NSMAF: variants seen among roughly 807,000 people sequenced by gnomAD.
The protein encoded by NSMAF is protein FAN.
Under a neutral mutation model 134.9 loss-of-function variants are expected in NSMAF, and 90 were observed. That is an observed-to-expected ratio of 0.67 (90% CI 0.56 to 0.79). The LOEUF (loss-of-function observed/expected upper bound fraction) is 0.79. Ranked by LOEUF, NSMAF falls within the 30% of genes least tolerant of loss-of-function variation. NSMAF has a pLI of 0.00. For synonymous variants in NSMAF, 358 were observed against 389.6 expected (o/e 0.92, Z 0.96); for missense variants, 1,010 against 1,119.0 (o/e 0.90, Z 1.39).
intron 5 of NSMAF, among the ~76,000 whole-genome samples, chr8:58,632,979 T>C (rs910341707): frequency 3.3e-5 from 5 of 152,158 alleles, no homozygotes; most frequent in African/African-American, 1.2e-4. Context: ...AATGACCACC[T>C]CTCACCATCG....
At chr8:58,627,891 A>G (rs1220470581) in intron 6 of NSMAF, among the ~76,000 whole-genome samples, 1 of 152,146 alleles carries the variant, frequency 6.6e-6, no homozygotes, top group Non-Finnish European at 1.5e-5. Flanking sequence ...ACAATCCTAA[A>G]ATCCATATGG....
chr8:58,601,144 G>A (rs1172233588), intron 16 of NSMAF, 141 bp downstream of exon 16: 2 of 689,242 alleles, frequency 2.9e-6, no homozygotes, highest in African/African-American at 3.6e-5. Context: ...TCTAGAAAAA[G>A]CCTGAGAGGA....
At chr8:58,629,889 G>A (rs533233546) in intron 6 of NSMAF, among the ~76,000 whole-genome samples, 52 of 152,248 alleles carry the variant, frequency 3.4e-4, no homozygotes, top group South Asian at 1.7e-3. Context: ...AAGCAGTAGC[G>A]TGCTACCCAG....
chr8:58,618,408 T>C (rs1806712658), intron 9 of NSMAF, among the ~76,000 whole-genome samples: 3 of 151,934 alleles, frequency 2.0e-5, no homozygotes, highest in African/African-American at 7.2e-5. Context: ...TTTATTTTAT[T>C]ATATATGAGA....
At chr8:58,656,554 C>T (rs559431791) in intron 1 of NSMAF, among the ~76,000 whole-genome samples, 8 of 152,152 alleles carry the variant, frequency 5.3e-5, no homozygotes, top group East Asian at 1.9e-4. Flanking sequence ...GGGCCGGGCA[C>T]GGTGGCTCAC....
chr8:58,607,768 C>T lies in NSMAF; in HGVS notation c.759+1G>A, dbSNP rs1806440472. 1 of 1,612,680 alleles carries T rather than the reference C, an allele frequency of 6.2e-7. No homozygotes were observed. Among genetic ancestry groups the T allele is most frequent in the Admixed American group, 1.7e-5 (1 of 60,014 alleles). The stretch of plus-strand genomic sequence containing the variant: ...CCCAGCACAGCCTCCCAAGGACTCA[C>T]CAGAGGCATGAGGCCGTGCCTCCTT... On this transcript the variant is annotated splice_donor_variant, in intron 11 of 30. Transcript: ENST00000038176. LOFTEE classifies it high-confidence loss of function.
chr8:58,587,432 TAAAAC>T (rs1005459955), intron 27 of NSMAF, among the ~76,000 whole-genome samples, 181 bp downstream of exon 27: 1 of 151,852 alleles, frequency 6.6e-6, no homozygotes, highest in Non-Finnish European at 1.5e-5. Context: ...GGAGAAAAAA[TAAAAC>T]AAAACAAAGT....
intron 28 of NSMAF, 85 bp downstream of exon 28, chr8:58,586,372 AT>A: frequency 1.5e-6 from 2 of 1,322,566 alleles, no homozygotes; most frequent in Non-Finnish European, 2.1e-6. Flanking sequence ...TGTAAGTTTT[AT>A]TGTTTATTTC....
intron 16 of NSMAF, 185 bp downstream of exon 16, chr8:58,601,100 A>T (rs1806267909): frequency 2.0e-6 from 1 of 495,666 alleles, no homozygotes; most frequent in Non-Finnish European, 3.5e-6. Flanking sequence ...CTGTACATAA[A>T]ATATGTTCTC....
intron 1 of NSMAF, among the ~76,000 whole-genome samples, chr8:58,649,715 TCTCTCTTGCTCC>T (rs1807540623): frequency 6.6e-6 from 1 of 152,152 alleles, no homozygotes; most frequent in Admixed American, 6.5e-5. Context: ...CTCCTCCTCC[TCTCTCTTGCTCC>T]CTCTCTTGCC....
intron 11 of NSMAF, among the ~76,000 whole-genome samples, chr8:58,607,073 G>A (rs1220986638): frequency 6.6e-6 from 1 of 152,108 alleles, no homozygotes; most frequent in Non-Finnish European, 1.5e-5. Context: ...CAAATTAAAA[G>A]CACAAAAATA....
chr8:58,624,064 CAG>C (rs1806857270), intron 6 of NSMAF, among the ~76,000 whole-genome samples: 1 of 95,528 alleles, frequency 1.0e-5, no homozygotes, highest in Non-Finnish European at 1.9e-5. Context: ...TTTTTTGAGA[CAG>C]AGTCTTGTTC....
intron 16 of NSMAF, 46 bp from the exon 17 acceptor site, chr8:58,600,067 C>A: frequency 7.2e-7 from 1 of 1,387,562 alleles, no homozygotes; most frequent in Non-Finnish European, 1.0e-6. Flanking sequence ...AAGGAAATAG[C>A]AATAGCAGCA....
At chr8:58,650,441 G>C (rs1807558221) in intron 1 of NSMAF, among the ~76,000 whole-genome samples, 1 of 151,432 alleles carries the variant, frequency 6.6e-6, no homozygotes, top group Admixed American at 6.6e-5. Context: ...TTGCTAGCCT[G>C]ATTTTCTTTT....
chr8:58,639,313 A>T (rs1807276719), intron 2 of NSMAF, among the ~76,000 whole-genome samples: 1 of 151,854 alleles, frequency 6.6e-6, no homozygotes, highest in South Asian at 2.1e-4. Flanking sequence ...GAAGAAGAAG[A>T]AGAAGAAGAC....
At position 58,602,074 on chromosome 8, in the gene NSMAF, C is replaced by T. The variant is rs755775283; in HGVS notation, c.1109G>A (p.Arg370Gln). 176 of 1,613,272 alleles carry T rather than the reference C, an allele frequency of 1.1e-4. No homozygotes were observed. Among genetic ancestry groups the T allele is most frequent in the Non-Finnish European group, 1.4e-4 (166 of 1,179,332 alleles). Residue 370 changes from arginine (R) to glutamine (Q), a missense_variant, in exon 14 of 31, where the codon CGG becomes CAG. Coordinates refer to ENST00000038176, the MANE Select transcript of NSMAF (RefSeq NM_003580.4). ...TCCACATACCAGTAGTCTCTCCAGC[C>T]GTTCCTTATTTAGGGCCCCTACTGG... ...SKPVGALNKE[R>Q]LERLLTRYQE...
intron 14 of NSMAF, 136 bp downstream of exon 14, chr8:58,601,922 A>G: frequency 1.5e-6 from 1 of 663,606 alleles, no homozygotes; most frequent in East Asian, 2.8e-5. Context: ...CGGTCAGGAG[A>G]AAAGTAAGAA....
chr8:58,622,432 C>G (rs1227203293), intron 9 of NSMAF, among the ~76,000 whole-genome samples: 1 of 151,680 alleles, frequency 6.6e-6, no homozygotes, highest in Non-Finnish European at 1.5e-5. Flanking sequence ...CTCGCACTGT[C>G]ACCCGAGCTG....
intron 1 of NSMAF, among the ~76,000 whole-genome samples, chr8:58,644,778 T>C (rs1000900889): frequency 2.0e-5 from 3 of 152,180 alleles, no homozygotes; most frequent in Admixed American, 6.5e-5. Flanking sequence ...TGGAATACTA[T>C]GCAGCCGTAA....
Sources: allele counts gnomAD v4.1 joint callset (sites outside exome capture counted in the v4.1 genomes callset), GRCh38; gene constraint gnomAD v4.1.1; transcripts MANE v1.5; gene names NCBI Gene and HGNC (gene_info 2026-07-23, HGNC 2026-07-21).